The following IL24 variants were observed in gnomAD, a reference collection of about 807,000 sequenced individuals.
IL24 encodes the protein interleukin-24.
In IL24, 24 loss-of-function variants were observed where a neutral mutation model predicts 27.6. The observed-to-expected ratio is 0.87, with a 90% CI of 0.63 to 1.22. IL24 has a LOEUF of 1.22. IL24 is among the 50% of genes most tolerant of loss of function. IL24 has a pLI of 0.00. For synonymous variants in IL24, 99 were observed against 93.1 expected (o/e 1.06, Z -0.36); for missense variants, 240 against 237.0 (o/e 1.01, Z -0.08).
rs377317010 is a variant in IL24 at position 206,900,370 on chromosome 1, C to T, written c.303+13C>T. ...GCAGAACGTCTCGGTAATCAGACCT[C>T]GGGGACACCACCCTCTGTGGGACGG... is the stretch of plus-strand genomic sequence containing the variant. On this transcript the variant is annotated intron_variant, in intron 4 of 6. Transcript: ENST00000294984. 3.2e-5 allele frequency: 51 copies of T among 1,613,032 alleles called. No individual in the cohort carries two copies. The highest frequency in any genetic ancestry group is 3.9e-5 in the Non-Finnish European group (46 of 1,179,148).
intron 6 of IL24, chr1:206,902,717 G>C (rs1382177435): frequency 1.0e-6 from 1 of 985,390 alleles, no homozygotes; most frequent in Non-Finnish European, 1.2e-6. Flanking sequence ...GTTTGTGGTT[G>C]CTGTTGTTAG....
Position 206,897,804 on chromosome 1 carries a change from G to A in IL24, c.-29G>A, listed in dbSNP as rs779698337. On this transcript the variant is annotated 5_prime_UTR_variant, in exon 2 of 7. Transcript: ENST00000294984. ...AAGAAGAATTGAGGCTGCTTGGGAG[G>A]AAGGCCAGGAGGAACACGAGACTGA... 88 of 1,612,318 alleles carry A rather than the reference G, an allele frequency of 5.5e-5. No individual in the cohort carries two copies. Among genetic ancestry groups the A allele is most frequent in the Non-Finnish European group, 7.0e-5 (82 of 1,179,312 alleles).
chr1:206,902,423 C>T, intron 6 of IL24: 1 of 493,564 alleles, frequency 2.0e-6, no homozygotes, highest in Non-Finnish European at 2.6e-6. Context: ...CCATACACAT[C>T]TGCAGTATTT....
intron 4 of IL24, among the ~76,000 whole-genome samples, chr1:206,901,236 T>C (rs1678362278): frequency 6.6e-6 from 1 of 152,138 alleles, no homozygotes; most frequent in African/African-American, 2.4e-5. Flanking sequence ...TCCTGGGAGC[T>C]AGGCTGTGTC....
At chr1:206,898,965 C>T (rs1678262956) in intron 2 of IL24, among the ~76,000 whole-genome samples, 1 of 152,178 alleles carries the variant, frequency 6.6e-6, no homozygotes, top group Non-Finnish European at 1.5e-5. Flanking sequence ...AGACGTGGCA[C>T]ATTAGAACCT....
rs1446384862 is a variant in IL24, at chr1:206,897,864, G to C, written c.32G>C (p.Trp11Ser). ...TTTCAACAGAGGCTGCAAAGCCTGT[G>C]GACTTTAGCCAGGTGCGGTGGCTCA... is the stretch of plus-strand genomic sequence containing the variant. Reference protein sequence around the residue: MNFQQRLQSLWTLARPFCPPL... With the variant: MNFQQRLQSLSTLARPFCPPL... The change falls in exon 2 of 7, where the codon TGG (tryptophan) becomes TCG (serine). Residue 11 changes from tryptophan (W) to serine (S), a missense_variant. By Grantham distance (177) the Trp-to-Ser change is radical (BLOSUM62 -3). Transcript: ENST00000294984. The C allele has an allele frequency of 1.2e-6, 2 of 1,605,822 alleles. No individual in the cohort carries two copies. The highest frequency in any genetic ancestry group is 1.7e-6 in the Non-Finnish European group (2 of 1,176,930).
Position 206,897,791 on chromosome 1 carries a change from G to C in IL24, c.-42G>C. The C allele has an allele frequency of 6.2e-7, 1 of 1,610,608 alleles. No homozygotes were observed. On this transcript the variant is annotated 5_prime_UTR_variant, in exon 2 of 7. Coordinates refer to ENST00000294984, the MANE Select transcript of IL24 (RefSeq NM_006850.3). The stretch of plus-strand genomic sequence containing the variant: ...CCAATTTAACACCAAGAAGAATTGA[G>C]GCTGCTTGGGAGGAAGGCCAGGAGG...
At position 206,903,916 on chromosome 1, in the gene IL24, G is replaced by C. The variant is rs1043052078; in HGVS notation, c.*857G>C. The C allele has an allele frequency of 1.3e-5, 2 of 152,378 alleles. No individual in the cohort carries two copies. Among genetic ancestry groups the C allele is most frequent in the African/African-American group, 4.8e-5 (2 of 41,454 alleles). 9.4% of individuals were successfully genotyped at this position (152,378 alleles called of 1,614,324 possible). On this transcript the variant is annotated 3_prime_UTR_variant, in exon 7 of 7. Transcript: ENST00000294984. ...CTGGATGAATGCCCAGTGAGACTGT[G>C]TTGTACAGCTAGAAAAGGCCTTCTT...
At position 206,899,398 on chromosome 1, in the gene IL24, T is replaced by C; in HGVS notation, c.123T>C (p.Leu41=). ...VVLPCLGFTL[L]LWSQVSGAQG... ...TCCCTTGCCTGGGTTTTACCCTGCT[T>C]CTCTGGAGCCAGGTATCAGGGGCCC... The change falls in exon 3 of 7, where the codon CTT becomes CTC. Residue 41 remains leucine (L), a synonymous_variant. Coordinates refer to ENST00000294984, the MANE Select transcript of IL24 (RefSeq NM_006850.3). The C allele has an allele frequency of 6.2e-7, 1 of 1,614,228 alleles. No individual in the cohort carries two copies. The highest frequency in any genetic ancestry group is 8.5e-7 in the Non-Finnish European group (1 of 1,180,016).
intron 2 of IL24, 33 bp downstream of exon 2, chr1:206,897,909 T>TC: frequency 1.4e-6 from 2 of 1,472,728 alleles, no homozygotes; most frequent in Non-Finnish European, 1.9e-6. Flanking sequence ...TCCCAGAACT[T>TC]TGGGAGGCTG....
At chr1:206,902,112 A>G in intron 6 of IL24, 40 bp downstream of exon 6, 1 of 1,613,156 alleles carries the variant, frequency 6.2e-7, no homozygotes, top group African/African-American at 1.3e-5. Context: ...CCAGCAGAAT[A>G]GACTAGTCTG....
rs1678499066 is a variant in IL24 at position 206,903,812 on chromosome 1, G to A, written c.*753G>A. 6.6e-6 allele frequency: 1 copy of A among 152,152 alleles called. No homozygotes were observed. The highest frequency in any genetic ancestry group is 2.1e-4 in the South Asian group (1 of 4,814). 9.4% of individuals were successfully genotyped at this position (152,152 alleles called of 1,614,324 possible). A position where few individuals can be genotyped will look rare whatever the true frequency, so the allele number is the denominator to read the frequency against. On this transcript the variant is annotated 3_prime_UTR_variant, in exon 7 of 7. Transcript: ENST00000294984. Reference sequence around the variant, plus strand: ...GCTGATGGTGACATTGCACCTGGATGTACTATCCAATCTGTGATGACATTC... The same window carrying A: ...GCTGATGGTGACATTGCACCTGGATATACTATCCAATCTGTGATGACATTC...
In IL24 at chr1:206,902,533, C is replaced by G. The variant is rs1184611975; in HGVS notation, c.538-443C>G. ...ACAAAGAAAACCCAAATTTCATCCC[C>G]AGCCCCCCTAAAAACATAAATGATT... On this transcript the variant is annotated intron_variant, in intron 6 of 6. Coordinates refer to ENST00000294984, the MANE Select transcript of IL24 (RefSeq NM_006850.3). 68 of 983,224 alleles carry G rather than the reference C, an allele frequency of 6.9e-5. 1 individual carries two copies. Among genetic ancestry groups the G allele is most frequent in the Non-Finnish European group, 7.8e-5 (65 of 829,314 alleles). 60.9% of individuals were successfully genotyped at this position (983,224 alleles called of 1,614,324 possible).
chr1:206,899,278 C>T (rs749528391), intron 2 of IL24, 42 bp from the exon 3 acceptor site: 3 of 1,595,890 alleles, frequency 1.9e-6, no homozygotes, highest in South Asian at 1.1e-5. Context: ...AACTCTGGGT[C>T]AGAGGGCCGG....
intron 5 of IL24, 37 bp from the exon 6 acceptor site, chr1:206,901,961 T>C (rs753278690): frequency 5.0e-6 from 8 of 1,607,138 alleles, no homozygotes; most frequent in Middle Eastern, 1.7e-4. Context: ...TGCTCCTATC[T>C]AAAAATTGGC....
intron 4 of IL24, among the ~76,000 whole-genome samples, chr1:206,901,047 G>T (rs1350560704): frequency 6.6e-6 from 1 of 152,098 alleles, no homozygotes; most frequent in Non-Finnish European, 1.5e-5. Flanking sequence ...GAGTGCAATT[G>T]CTGTGTCCAA....
At position 206,903,313 on chromosome 1, in the gene IL24, A is replaced by G. The variant is rs919186528; in HGVS notation, c.*254A>G. 4.8e-6 allele frequency: 2 copies of G among 415,346 alleles called. No individual in the cohort carries two copies. The highest frequency in any genetic ancestry group is 4.4e-6 in the Non-Finnish European group (1 of 228,290). 25.7% of individuals were successfully genotyped at this position (415,346 alleles called of 1,614,324 possible). ...ATTACAACTCTATTTAATTAATGTC[A>G]GTATTTCAACTGAAGTTCTATTTAT... On this transcript the variant is annotated 3_prime_UTR_variant, in exon 7 of 7. Transcript: ENST00000294984.
At chr1:206,901,752 G>A in intron 5 of IL24, 100 bp downstream of exon 5, 1 of 1,041,862 alleles carries the variant, frequency 9.6e-7, no homozygotes, top group Non-Finnish European at 1.4e-6. Flanking sequence ...CACCTCCCTG[G>A]GCTTCAGTTT....
intron 6 of IL24, chr1:206,902,738 T>C: frequency 1.0e-6 from 1 of 985,426 alleles, no homozygotes; most frequent in Non-Finnish European, 1.2e-6. Flanking sequence ...GGGTGCCATA[T>C]GTCTTTCCCT....
Sources: gnomAD v4.1 joint callset for allele counts (sites outside exome capture counted in the v4.1 genomes callset) on GRCh38, gnomAD v4.1.1 for gene constraint, MANE v1.5 for transcripts, NCBI Gene and HGNC (gene_info 2026-07-23, HGNC 2026-07-21) for gene names.